RFK: variants seen among roughly 807,000 people sequenced by gnomAD.
The protein encoded by RFK is 0610038L10Rik.
A neutral mutation model predicts 17.6 loss-of-function variants in RFK; 4 were observed. That is an observed-to-expected ratio of 0.23 (90% confidence interval 0.11 to 0.52). The LOEUF is 0.52. Ranked by LOEUF, RFK falls within the 20% of genes least tolerant of loss-of-function variation. The probability of loss-of-function intolerance (pLI) is 0.96; values close to 1 mark genes in which losing one functional copy is unlikely to be tolerated. For synonymous variants in RFK, 59 were observed against 63.8 expected, an observed-to-expected ratio of 0.92 and a Z score of 0.36; for missense variants, 189 against 187.7, an observed-to-expected ratio of 1.01 and a Z score of -0.04.
At chr9:76,390,267 C>T (rs1822801745) in intron 2 of RFK, among the ~76,000 whole-genome samples, 1 of 151,928 alleles carries the variant, frequency 6.6e-6, no homozygotes, top group Non-Finnish European at 1.5e-5. Context: ...AGAAAAAAAC[C>T]ACAGACAAGT....
rs1345233055 is a variant in RFK, at chr9:76,393,269, C to T, written c.83-700G>A. Among the ~76,000 whole-genome samples the T allele has an allele frequency of 2.6e-5, 4 of 151,022 alleles. No individual in the cohort carries two copies. The East Asian group carries it at 7.8e-4, about 29-fold the overall frequency. On this transcript the variant is annotated intron_variant, in intron 1 of 3. Coordinates refer to ENST00000376736, the MANE Select transcript of RFK (RefSeq NM_018339.6). ...TCGCCCAGGCTGGAGGGCAGTGGCA[C>T]GATCTCGCCTCACTGCAGCCTCCGT...
Position 76,394,195 on chromosome 9 carries a change from G to T in RFK, c.-24C>A. 1.3e-6 allele frequency: 2 copies of T among 1,565,320 alleles called. No individual in the cohort carries two copies. The highest frequency in any genetic ancestry group is 1.7e-6 in the Non-Finnish European group (2 of 1,157,066). On this transcript the variant is annotated 5_prime_UTR_variant, in exon 1 of 4. Coordinates refer to ENST00000376736, the MANE Select transcript of RFK (RefSeq NM_018339.6). ...ATAATGCAGTCCGCTCGGGGAATGG[G>T]CTGCGGCCCGGTCTGCGCGTCCTGC...
intron 2 of RFK, among the ~76,000 whole-genome samples, chr9:76,391,509 G>C (rs1270472733): frequency 1.3e-5 from 2 of 152,206 alleles, no homozygotes; most frequent in Non-Finnish European, 2.9e-5. Flanking sequence ...TTTATCTTAA[G>C]AGGGTGACCA....
rs1358171401 is a variant in RFK at position 76,394,307 on chromosome 9, G to A, written c.-136C>T. The A allele has an allele frequency of 1.3e-6, 1 of 748,962 alleles. No homozygotes were observed. Among genetic ancestry groups the A allele is most frequent in the African/African-American group, 1.9e-5 (1 of 53,312 alleles). 46.4% of individuals were successfully genotyped at this position (748,962 alleles called of 1,614,324 possible). On this transcript the variant is annotated 5_prime_UTR_variant, in exon 1 of 4. Coordinates refer to ENST00000376736, the MANE Select transcript of RFK (RefSeq NM_018339.6). ...TGCCTGCCGCGGGGGCGCACCAGTG[G>A]CCGGACGACGCCGACCACAGGCCAC...
At position 76,392,583 on chromosome 9, in the gene RFK, G is replaced by T. The variant is rs760959848; in HGVS notation, c.83-14C>A. The T allele has an allele frequency of 6.2e-7, 1 of 1,613,622 alleles. No homozygotes were observed. The highest frequency in any genetic ancestry group is 1.1e-5 in the South Asian group (1 of 91,066). On this transcript the variant is annotated splice_polypyrimidine_tract_variant and intron_variant, in intron 1 of 3. Coordinates refer to ENST00000376736, the MANE Select transcript of RFK (RefSeq NM_018339.6). ...CAGGAAAATTAGCTAAACAACAGAA[G>T]AAAATATTTTGAGTCTTACAAATTT...
At position 76,394,215 on chromosome 9, in the gene RFK, T is replaced by C; in HGVS notation, c.-44A>G. 8 of 1,546,332 alleles carry C rather than the reference T, an allele frequency of 5.2e-6. No homozygotes were observed. The highest frequency in any genetic ancestry group is 7.0e-6 in the Non-Finnish European group (8 of 1,145,978). ...AATGGGCTGCGGCCCGGTCTGCGCG[T>C]CCTGCGGAGCCGCCGTCGACGCGGC... is the stretch of plus-strand genomic sequence containing the variant. On this transcript the variant is annotated 5_prime_UTR_variant, in exon 1 of 4. Transcript: ENST00000376736.
intron 2 of RFK, among the ~76,000 whole-genome samples, chr9:76,390,401 T>C (rs1203319392): frequency 1.3e-5 from 2 of 152,138 alleles, no homozygotes; most frequent in South Asian, 2.1e-4. Flanking sequence ...GCCATGCTCA[T>C]GCCTGTAATC....
rs754574191 is a variant in RFK, at chr9:76,387,403, T to C, written c.464A>G (p.His155Arg). Reference protein sequence around the residue: ...QVSKSKIMNGH With the variant: ...QVSKSKIMNGR ...AATAAATAATACAATTTTTCATCAG[T>C]GGCCATTCATTATTTTGCTTTTAGA... The change falls in exon 4 of 4, where the codon CAC (histidine) becomes CGC (arginine). Residue 155 changes from histidine to arginine, a missense_variant. Coordinates refer to ENST00000376736, the MANE Select transcript of RFK (RefSeq NM_018339.6). 1.7e-5 allele frequency: 28 copies of C among 1,604,424 alleles called. No homozygotes were observed. The highest frequency in any genetic ancestry group is 2.1e-5 in the Non-Finnish European group (25 of 1,175,586).
Position 76,387,051 on chromosome 9 carries a change from A to G in RFK, c.*348T>C. Reference sequence around the variant, plus strand: ...TTCTCTGTTTAGAAGTACACACTACACAAGTACATACATGCTGGCATTTTA... The same window carrying G: ...TTCTCTGTTTAGAAGTACACACTACGCAAGTACATACATGCTGGCATTTTA... On this transcript the variant is annotated 3_prime_UTR_variant, in exon 4 of 4. Coordinates refer to ENST00000376736, the MANE Select transcript of RFK (RefSeq NM_018339.6). 1 of 188,172 alleles carries G rather than the reference A, an allele frequency of 5.3e-6. No individual in the cohort carries two copies. The highest frequency in any genetic ancestry group is 5.5e-5 in the Admixed American group (1 of 18,076). 11.7% of individuals were successfully genotyped at this position (188,172 alleles called of 1,614,324 possible).
At chr9:76,390,271 G>A (rs1822801786) in intron 2 of RFK, among the ~76,000 whole-genome samples, 1 of 152,134 alleles carries the variant, frequency 6.6e-6, no homozygotes, top group African/African-American at 2.4e-5. Flanking sequence ...AAAAACCACA[G>A]ACAAGTATCT....
chr9:76,390,516 T>G (rs181822325), intron 2 of RFK, among the ~76,000 whole-genome samples: 2 of 151,964 alleles, frequency 1.3e-5, no homozygotes, highest in East Asian at 3.9e-4. Flanking sequence ...AATTTAAAAA[T>G]AGCCAAGCAT....
rs2131552264 is a variant in RFK, at chr9:76,385,613, TAA to T, written c.*1784_*1785del. 6.6e-6 allele frequency: 1 copy of T among 152,332 alleles called. No individual in the cohort carries two copies. Among genetic ancestry groups the T allele is most frequent in the South Asian group, 2.1e-4 (1 of 4,832 alleles). The allele number at this position is 152,332 out of a possible 1,614,324, so 9.4% of individuals were successfully genotyped here. On this transcript the variant is annotated 3_prime_UTR_variant, in exon 4 of 4. Coordinates refer to ENST00000376736, the MANE Select transcript of RFK (RefSeq NM_018339.6). ...CTGTAACTTCTTATAATACATAATA[TAA>T]AAGTTTTTGAAAGATATAGACACAA...
At chr9:76,392,017 G>T (rs1413863306) in intron 2 of RFK, among the ~76,000 whole-genome samples, 1 of 151,318 alleles carries the variant, frequency 6.6e-6, no homozygotes, top group Non-Finnish European at 1.5e-5. Flanking sequence ...TAAACTTTTA[G>T]AATTTCAGGA....
At chr9:76,390,815 TTA>T (rs967669598) in intron 2 of RFK, among the ~76,000 whole-genome samples, 3 of 147,754 alleles carry the variant, frequency 2.0e-5, no homozygotes, top group African/African-American at 7.4e-5. Flanking sequence ...TACTAAGAAC[TTA>T]TTTAAGGTCA....
chr9:76,387,687 A>G, intron 3 of RFK, 158 bp from the exon 4 acceptor site: 1 of 629,380 alleles, frequency 1.6e-6, no homozygotes, highest in East Asian at 2.8e-5. Flanking sequence ...TTCCAGGCCT[A>G]AGTCAATGGT....
At chr9:76,388,511 G>A (rs745614871) in intron 3 of RFK, 43 bp downstream of exon 3, 2 of 1,164,900 alleles carry the variant, frequency 1.7e-6, no homozygotes, top group South Asian at 2.5e-5. Context: ...AGTTACCTGT[G>A]GTAGCAGTAG....
chr9:76,392,949 C>A (rs1464338573), intron 1 of RFK, among the ~76,000 whole-genome samples: 10 of 152,202 alleles, frequency 6.6e-5, no homozygotes, highest in Admixed American at 5.2e-4. Flanking sequence ...ACATGCAAGG[C>A]TAATGTAAAT....
Position 76,394,388 on chromosome 9 carries a change from C to T in RFK, c.-217G>A. ...ATACCGCCGGGCGCCTGAGGAGCTG[C>T]GTCTCCGCTGGAGGGCAGCGGAGAC... On this transcript the variant is annotated 5_prime_UTR_variant, in exon 1 of 4. Coordinates refer to ENST00000376736, the MANE Select transcript of RFK (RefSeq NM_018339.6). 4.1e-6 allele frequency: 2 copies of T among 484,466 alleles called. No homozygotes were observed. The highest frequency in any genetic ancestry group is 7.2e-6 in the Non-Finnish European group (2 of 276,086). The allele number at this position is 484,466 out of a possible 1,614,324, so 30.0% of individuals were successfully genotyped here.
rs772071956 is a variant in RFK, at chr9:76,394,081, T to C, written c.82+9A>G. 6.3e-7 allele frequency: 1 copy of C among 1,595,572 alleles called. No individual in the cohort carries two copies. Among genetic ancestry groups the C allele is most frequent in the African/African-American group, 1.3e-5 (1 of 74,610 alleles). On this transcript the variant is annotated intron_variant, in intron 1 of 3. Transcript: ENST00000376736. The stretch of plus-strand genomic sequence containing the variant: ...CCGGCCCGGGGGACTCTGGCCGCCC[T>C]GCTCTCACCTGTGGGGATGCCCAGC...
Sources: allele counts gnomAD v4.1 joint callset (sites outside exome capture counted in the v4.1 genomes callset), GRCh38; gene constraint gnomAD v4.1.1; transcripts MANE v1.5; gene names NCBI Gene and HGNC (gene_info 2026-07-23, HGNC 2026-07-21).